The following CHRM3 variants were observed in gnomAD, a reference collection of about 807,000 sequenced individuals.
The protein encoded by CHRM3 is cholinergic receptor muscarinic 3, also known as muscarinic acetylcholine receptor M3.
CHRM3 carries 11 observed loss-of-function variants against 41.8 expected under a neutral mutation model. That is an observed-to-expected ratio of 0.26 (90% CI 0.17 to 0.44). CHRM3 has a LOEUF of 0.44. Ranked by LOEUF, CHRM3 falls within the 20% of genes least tolerant of loss-of-function variation. The probability of loss-of-function intolerance (pLI) is 1.00; values close to 1 mark genes in which losing one functional copy is unlikely to be tolerated. For missense variants in CHRM3, 571 were observed against 745.4 expected, an observed-to-expected ratio of 0.77 and a Z score of 2.72; for synonymous variants, 297 against 301.4, an observed-to-expected ratio of 0.99 and a Z score of 0.15.
chr1:239,572,025 G>T (rs1265804554), intron 3 of CHRM3, among the ~76,000 whole-genome samples: 3 of 152,142 alleles, frequency 2.0e-5, no homozygotes, highest in Admixed American at 2.0e-4. Context: ...ATAATTCACA[G>T]ATAATGTCTA....
chr1:239,622,648 T>C (rs1157491997), intron 3 of CHRM3, among the ~76,000 whole-genome samples: 1 of 152,206 alleles, frequency 6.6e-6, no homozygotes, highest in Non-Finnish European at 1.5e-5. Flanking sequence ...TATCTCATGA[T>C]AAAACTTGGA....
At chr1:239,869,641 T>C (rs12098172) in intron 6 of CHRM3, among the ~76,000 whole-genome samples, 64 of 152,222 alleles carry the variant, frequency 4.2e-4, no homozygotes, top group African/African-American at 1.4e-3. Context: ...TCCCCAAGAC[T>C]TCCTTTCTTC....
chr1:239,677,042 A>G (rs1658073509), intron 4 of CHRM3, among the ~76,000 whole-genome samples: 1 of 151,484 alleles, frequency 6.6e-6, no homozygotes, highest in South Asian at 2.1e-4. Flanking sequence ...TCCCCATCCC[A>G]TTTCCTTTTG....
At chr1:239,767,369 G>A (rs919492725) in intron 5 of CHRM3, among the ~76,000 whole-genome samples, 6 of 152,126 alleles carry the variant, frequency 3.9e-5, no homozygotes, top group Non-Finnish European at 8.8e-5. Context: ...CAGAGGAAAG[G>A]AGGGGATGCA....
intron 1 of CHRM3, among the ~76,000 whole-genome samples, chr1:239,476,518 C>T (rs1421775282): frequency 1.3e-5 from 2 of 149,432 alleles, no homozygotes; most frequent in African/African-American, 2.5e-5. Context: ...TTCTTAGTAA[C>T]AAACTGAATG....
At chr1:239,803,726 G>C (rs1222767696) in intron 5 of CHRM3, among the ~76,000 whole-genome samples, 1 of 152,176 alleles carries the variant, frequency 6.6e-6, no homozygotes, top group East Asian at 1.9e-4. Context: ...TGGAAGGCAG[G>C]GGGTAGGTGA....
intron 1 of CHRM3, among the ~76,000 whole-genome samples, chr1:239,484,110 T>A (rs553103869): frequency 6.6e-6 from 1 of 152,242 alleles, no homozygotes; most frequent in African/African-American, 2.4e-5. Flanking sequence ...TGTGTTTCTA[T>A]AATTGAATAC....
intron 3 of CHRM3, among the ~76,000 whole-genome samples, chr1:239,598,463 T>G (rs1042141532): frequency 2.0e-5 from 3 of 152,196 alleles, no homozygotes; most frequent in Non-Finnish European, 4.4e-5. Flanking sequence ...TTGGTCTTAA[T>G]ATAAATGCCT....
At chr1:239,674,318 A>T (rs1368667580) in intron 4 of CHRM3, among the ~76,000 whole-genome samples, 1 of 152,176 alleles carries the variant, frequency 6.6e-6, no homozygotes, top group Non-Finnish European at 1.5e-5. Flanking sequence ...ATATAAATTT[A>T]TTAGTTCTTT....
intron 1 of CHRM3, among the ~76,000 whole-genome samples, chr1:239,445,506 G>GCTAC (rs1219742291): frequency 6.6e-6 from 1 of 152,140 alleles, no homozygotes; most frequent in Non-Finnish European, 1.5e-5. Flanking sequence ...GTTGCGGGTG[G>GCTAC]ACTGTGTAGC....
intron 2 of CHRM3, among the ~76,000 whole-genome samples, chr1:239,518,471 C>T (rs1455541721): frequency 7.9e-5 from 12 of 152,112 alleles, no homozygotes; most frequent in Admixed American, 7.2e-4. Context: ...AAGGACATAT[C>T]CCACAAGATG....
rs1035332819 is a variant in CHRM3, at chr1:239,515,413, T to TG, written c.-422+22606_-422+22607insG. On this transcript the variant is annotated intron_variant, in intron 2 of 6. Transcript: ENST00000676153. ...TGCAATTGTTCACATGTTTTTTTTG[T>TG]TTTTTTTTTTTTTAATTCTGGGGTA... 3.0e-3 allele frequency among the ~76,000 whole-genome samples: 237 copies of TG among 79,222 alleles called. 1 individual carries two copies. The highest frequency in any genetic ancestry group is 6.6e-3 in the Admixed American group (51 of 7,704). The allele number at this position is 79,222 out of a possible 152,430, so 52.0% of individuals were successfully genotyped here.
intron 1 of CHRM3, among the ~76,000 whole-genome samples, chr1:239,404,541 A>G (rs1371914182): frequency 1.3e-5 from 2 of 150,868 alleles, no homozygotes; most frequent in Non-Finnish European, 3.0e-5. Flanking sequence ...GGAGTACATT[A>G]TCTCAGGTCA....
At chr1:239,887,752 A>G (rs1437514568) in intron 6 of CHRM3, among the ~76,000 whole-genome samples, 1 of 152,230 alleles carries the variant, frequency 6.6e-6, no homozygotes, top group Non-Finnish European at 1.5e-5. Flanking sequence ...TTTCTCAGCT[A>G]TACCCAGATC....
chr1:239,865,902 C>T (rs549539554), intron 6 of CHRM3, among the ~76,000 whole-genome samples: 11 of 152,140 alleles, frequency 7.2e-5, no homozygotes, highest in Non-Finnish European at 1.2e-4. Flanking sequence ...AGAGAAGTGC[C>T]CAGGACAGAG....
rs371692571 is a variant in CHRM3 at position 239,480,119 on chromosome 1, GA to G, written c.-520-12584del. ...ATGTTAACCTAGAATTCTACATCTA[GA>G]AAAAATGAGTATTAAATAAGATATT... On this transcript the variant is annotated intron_variant, in intron 1 of 6. Transcript: ENST00000676153. Among the ~76,000 whole-genome samples the G allele has an allele frequency of 2.2e-3, 342 of 152,108 alleles. 4 individuals are homozygous for G. The South Asian group carries it at 0.037, about 17-fold the overall frequency.
At chr1:239,699,216 A>G (rs897575080) in intron 5 of CHRM3, among the ~76,000 whole-genome samples, 1 of 152,094 alleles carries the variant, frequency 6.6e-6, no homozygotes, top group Non-Finnish European at 1.5e-5. Flanking sequence ...TTTGAGTAGT[A>G]TTATGGACTG....
chr1:239,859,275 C>T (rs1675380218), intron 6 of CHRM3, among the ~76,000 whole-genome samples: 1 of 151,994 alleles, frequency 6.6e-6, no homozygotes, highest in Non-Finnish European at 1.5e-5. Flanking sequence ...TTGTTTGTTT[C>T]TATTTGGTTT....
intron 5 of CHRM3, among the ~76,000 whole-genome samples, chr1:239,782,675 C>G (rs1668593930): frequency 6.6e-6 from 1 of 151,814 alleles, no homozygotes; most frequent in African/African-American, 2.4e-5. Context: ...TGATTTGCTC[C>G]TTTTCTACTT....
Sources: gnomAD v4.1 joint callset for allele counts (sites outside exome capture counted in the v4.1 genomes callset) on GRCh38, gnomAD v4.1.1 for gene constraint, MANE v1.5 for transcripts, NCBI Gene and HGNC (gene_info 2026-07-23, HGNC 2026-07-21) for gene names.